Variants in AMMECR1 observed in about 807,000 individuals in gnomAD.
AMMECR1 encodes the protein AMMECR nuclear protein 1.
In AMMECR1, 3 loss-of-function variants were observed where a neutral mutation model predicts 22.5. The ratio of observed to expected loss-of-function variants is 0.13; its 90% CI spans 0.06 to 0.35. The LOEUF (loss-of-function observed/expected upper bound fraction) is 0.35, where lower values mean the gene tolerates loss of function less well. Ranked by LOEUF, AMMECR1 falls within the 10% of genes least tolerant of loss-of-function variation. AMMECR1 has a pLI of 1.00. For missense variants in AMMECR1, 235 were observed against 278.7 expected (o/e 0.84, Z 1.12); for synonymous variants, 130 against 116.7 (o/e 1.11, Z -0.74).
chrX:110,214,338 A>G (rs1206709680), intron 3 of AMMECR1, among the ~76,000 whole-genome samples: 3 of 111,961 alleles, frequency 2.7e-5, no homozygotes, highest in Non-Finnish European at 5.6e-5. Flanking sequence ...AAGCCCCCTA[A>G]AATATATTAA....
At chrX:110,316,810 G>C (rs1350861007) in intron 1 of AMMECR1, among the ~76,000 whole-genome samples, 1 of 109,125 alleles carries the variant, frequency 9.2e-6, no homozygotes, top group Non-Finnish European at 1.9e-5. Flanking sequence ...AAGTGAAATC[G>C]ACACAAAAGC....
intron 2 of AMMECR1, among the ~76,000 whole-genome samples, chrX:110,262,820 T>C (rs1474661335): frequency 2.7e-5 from 3 of 111,779 alleles, no homozygotes; most frequent in East Asian, 5.6e-4. Context: ...GACTTGTGTT[T>C]CCAAAAATGT....
intron 3 of AMMECR1, among the ~76,000 whole-genome samples, chrX:110,207,350 T>C: frequency 8.9e-6 from 1 of 111,832 alleles, no homozygotes; most frequent in East Asian, 2.8e-4. Flanking sequence ...GCTTAGCCTT[T>C]TGAAAACAGA....
chrX:110,334,693 T>C (rs892312445), intron 2 of AMMECR1, among the ~76,000 whole-genome samples: 3 of 112,418 alleles, frequency 2.7e-5, no homozygotes, highest in Non-Finnish European at 5.6e-5. Flanking sequence ...AGTCCAGATA[T>C]ATAGTTTCCA....
upstream of AMMECR1, among the ~76,000 whole-genome samples, chrX:110,318,688 A>G (rs2068067053): frequency 9.0e-6 from 1 of 110,980 alleles, no homozygotes; most frequent in African/African-American, 3.3e-5. Flanking sequence ...CATACCTGAG[A>G]CCGCCCCTGT....
intron 3 of AMMECR1, among the ~76,000 whole-genome samples, chrX:110,208,668 C>T (rs919897245): frequency 7.1e-5 from 8 of 111,982 alleles, no homozygotes; most frequent in Admixed American, 4.7e-4. Context: ...CTAATAGTCA[C>T]CATGAAATTT....
chrX:110,352,501 A>G (rs1253606126), intron 2 of AMMECR1, among the ~76,000 whole-genome samples: 2 of 112,238 alleles, frequency 1.8e-5, no homozygotes, highest in Admixed American at 9.4e-5. Flanking sequence ...AAGCATATCT[A>G]TATTGGCAGG....
intron 2 of AMMECR1, among the ~76,000 whole-genome samples, chrX:110,217,771 G>T (rs1210076434): frequency 9.0e-6 from 1 of 110,892 alleles, no homozygotes; most frequent in African/African-American, 3.3e-5. Context: ...GACTTGGAAA[G>T]AATTTAATTC....
At chrX:110,382,678 C>T (rs916933271) in intron 2 of AMMECR1, among the ~76,000 whole-genome samples, 3 of 111,390 alleles carry the variant, frequency 2.7e-5, no homozygotes, top group South Asian at 7.6e-4. Context: ...TCTTAGAGTC[C>T]TCTCTTTTTC....
intron 2 of AMMECR1, among the ~76,000 whole-genome samples, chrX:110,258,774 C>T (rs1476983632): frequency 9.0e-6 from 1 of 111,441 alleles, no homozygotes; most frequent in Non-Finnish European, 1.9e-5. Flanking sequence ...ATTCATACAG[C>T]TTTTCTTTTC....
At chrX:110,344,418 C>T (rs780005058) in intron 2 of AMMECR1, among the ~76,000 whole-genome samples, 1 of 112,084 alleles carries the variant, frequency 8.9e-6, no homozygotes, top group African/African-American at 3.3e-5. Flanking sequence ...CAACACCATT[C>T]AGGACATAGG....
intron 2 of AMMECR1, among the ~76,000 whole-genome samples, chrX:110,343,226 A>G (rs2068172465): frequency 8.9e-6 from 1 of 111,991 alleles, no homozygotes; most frequent in Admixed American, 9.4e-5. Flanking sequence ...ATATAAACAG[A>G]ACCAAAGACA....
chrX:110,362,919 A>G (rs1406346161), intron 2 of AMMECR1, among the ~76,000 whole-genome samples: 1 of 112,122 alleles, frequency 8.9e-6, no homozygotes, highest in Non-Finnish European at 1.9e-5. Context: ...GATATATACT[A>G]TCATAATTTT....
intron 2 of AMMECR1, among the ~76,000 whole-genome samples, chrX:110,247,457 G>A (rs1043091681): frequency 3.6e-5 from 4 of 111,995 alleles, no homozygotes; most frequent in East Asian, 2.8e-4. Context: ...TTGGGAGGCC[G>A]AGGTGGGCAG....
At chrX:110,371,621 A>G (rs1395700550) in intron 2 of AMMECR1, among the ~76,000 whole-genome samples, 1 of 111,054 alleles carries the variant, frequency 9.0e-6, no homozygotes, top group African/African-American at 3.3e-5. Context: ...AATGTAAGGC[A>G]CTAACAGGGG....
chrX:110,252,426 GAA>G (rs1195188641), intron 2 of AMMECR1, among the ~76,000 whole-genome samples: 1 of 110,227 alleles, frequency 9.1e-6, no homozygotes, highest in African/African-American at 3.3e-5. Flanking sequence ...CCCACAAAAA[GAA>G]AAGAGAAAAA....
rs2068188444 is a variant in AMMECR1, at chrX:110,346,229, G to A, written c.-147-28380C>T. On this transcript the variant is annotated intron_variant, in intron 2 of 7. Transcript: ENST00000372057. ...TGTATTTCCTATTAAATTTTTATAT[G>A]TTACTTTCCCATTGTTCCTGAATTT... Among the ~76,000 whole-genome samples the A allele has an allele frequency of 7.2e-5, 8 of 111,572 alleles. No homozygotes were observed. The Admixed American group carries it at 7.6e-4, about 11-fold the overall frequency.
intron 2 of AMMECR1, among the ~76,000 whole-genome samples, chrX:110,424,582 G>T (rs2068740930): frequency 8.9e-6 from 1 of 112,170 alleles, no homozygotes; most frequent in Non-Finnish European, 1.9e-5. Context: ...GCACATATTA[G>T]ATAAGCAACC....
intron 2 of AMMECR1, among the ~76,000 whole-genome samples, chrX:110,238,128 T>TCCATTAGC (rs2067611094): frequency 2.7e-5 from 3 of 111,882 alleles, no homozygotes; most frequent in Non-Finnish European, 5.6e-5. Flanking sequence ...TTGGTAACAC[T>TCCATTAGC]CCATTAGCCC....
Sources: gnomAD v4.1 joint callset for allele counts (sites outside exome capture counted in the v4.1 genomes callset) on GRCh38, gnomAD v4.1.1 for gene constraint, MANE v1.5 for transcripts, NCBI Gene and HGNC (gene_info 2026-07-23, HGNC 2026-07-21) for gene names.